Variants in TENM4 observed in about 807,000 individuals in gnomAD.
TENM4 encodes the protein teneurin-4.
Under a neutral mutation model 243.3 loss-of-function variants are expected in TENM4, and 82 were observed. The observed-to-expected ratio is 0.34, with a 90% CI of 0.28 to 0.40. TENM4 has a LOEUF of 0.40. Ranked by LOEUF, TENM4 falls within the 10% of genes least tolerant of loss-of-function variation. The pLI is 1.00. For synonymous variants in TENM4, 1,412 were observed against 1,456.3 expected (o/e 0.97, Z 0.69); for missense variants, 3,138 against 3,673.3 (o/e 0.85, Z 3.77).
chr11:78,736,857 G>A (rs968421955), intron 20 of TENM4, among the ~76,000 whole-genome samples: 5 of 152,116 alleles, frequency 3.3e-5, no homozygotes, highest in African/African-American at 9.7e-5. Flanking sequence ...CTGGCTACGT[G>A]ATGTAATTTA....
At chr11:79,175,902 C>A (rs1008577006) in intron 3 of TENM4, among the ~76,000 whole-genome samples, 1 of 151,934 alleles carries the variant, frequency 6.6e-6, no homozygotes, top group African/African-American at 2.4e-5. Flanking sequence ...CTGGGCAACA[C>A]AAGGAGACCA....
At chr11:79,146,059 A>T (rs1372124760) in intron 4 of TENM4, among the ~76,000 whole-genome samples, 1 of 152,106 alleles carries the variant, frequency 6.6e-6, no homozygotes, top group Non-Finnish European at 1.5e-5. Flanking sequence ...GTGCAAATAT[A>T]CAACATCTTT....
chr11:79,373,329 GCT>G (rs1857824657), intron 1 of TENM4, among the ~76,000 whole-genome samples: 2 of 104,800 alleles, frequency 1.9e-5, no homozygotes, highest in African/African-American at 4.6e-5. Context: ...TGGCTGGCTG[GCT>G]GGATGGATGG....
intron 6 of TENM4, among the ~76,000 whole-genome samples, chr11:79,054,481 C>T (rs973534892): frequency 7.2e-5 from 11 of 151,854 alleles, no homozygotes; most frequent in Non-Finnish European, 1.5e-5. Flanking sequence ...TCACAAGGTC[C>T]AGGCATATTC....
intron 3 of TENM4, among the ~76,000 whole-genome samples, chr11:79,156,800 ACT>A (rs1862629706): frequency 6.6e-6 from 1 of 152,208 alleles, no homozygotes; most frequent in South Asian, 2.1e-4. Flanking sequence ...CTATGTATTT[ACT>A]CTCTGCCTTG....
rs752165239 is a variant in TENM4 at position 78,658,498 on chromosome 11, G to T, written c.7870C>A (p.Pro2624Thr). ...AGGATGGCCAGGTCACCTTCTGAAG[G>T]TCCTGGTTTCACAAAGTAATGGGTA... ...VDTHYFVKPG[P>T]SEGDLAILGL... Residue 2624 changes from proline (P) to threonine (T), a missense_variant, in exon 34 of 34, where the codon CCT becomes ACT. By Grantham distance (38) the Pro-to-Thr change is conservative. Around this residue, in one of 2 missense-constraint regions of TENM4, gnomAD observed 2,467 missense variants for 3,059.1 expected, o/e 0.81. Transcript: ENST00000278550. 10 of 1,613,920 alleles carry T rather than the reference G, an allele frequency of 6.2e-6. No individual in the cohort carries two copies. In the South Asian group the frequency reaches 7.7e-5, roughly 12 times the overall value.
chr11:79,295,462 C>A (rs1856433792), intron 2 of TENM4, among the ~76,000 whole-genome samples: 1 of 152,172 alleles, frequency 6.6e-6, no homozygotes, highest in African/African-American at 2.4e-5. Flanking sequence ...AAGGAAGGAG[C>A]CCCAGCTCTC....
At chr11:79,352,475 C>G (rs1400437633) in intron 1 of TENM4, among the ~76,000 whole-genome samples, 1 of 152,170 alleles carries the variant, frequency 6.6e-6, no homozygotes, top group Non-Finnish European at 1.5e-5. Context: ...CAAATGGGCT[C>G]CTCACACCAC....
At chr11:78,894,005 C>T (rs1855732235) in intron 7 of TENM4, among the ~76,000 whole-genome samples, 1 of 152,136 alleles carries the variant, frequency 6.6e-6, no homozygotes, top group African/African-American at 2.4e-5. Flanking sequence ...TGCCCAGAGT[C>T]TAGAGGAATA....
At chr11:79,114,012 A>T (rs758722544) in intron 4 of TENM4, among the ~76,000 whole-genome samples, 1 of 151,960 alleles carries the variant, frequency 6.6e-6, no homozygotes, top group Non-Finnish European at 1.5e-5. Flanking sequence ...CAGCTCCCAA[A>T]CGATCTCTCC....
intron 1 of TENM4, among the ~76,000 whole-genome samples, chr11:79,354,876 A>G (rs1167239772): frequency 1.3e-5 from 2 of 152,228 alleles, no homozygotes; most frequent in African/African-American, 4.8e-5. Flanking sequence ...TGAATAAAAT[A>G]ATATTCTATG....
chr11:79,108,994 A>G (rs1861439981), intron 4 of TENM4, among the ~76,000 whole-genome samples: 1 of 152,146 alleles, frequency 6.6e-6, no homozygotes, highest in Non-Finnish European at 1.5e-5. Flanking sequence ...TGCCGCCCAG[A>G]AGGCCTGGGA....
chr11:79,192,718 C>G (rs1482119062), intron 3 of TENM4, among the ~76,000 whole-genome samples: 1 of 151,248 alleles, frequency 6.6e-6, no homozygotes, highest in African/African-American at 2.4e-5. Flanking sequence ...AAATCCCCCT[C>G]TGTGAGAAAC....
intron 2 of TENM4, among the ~76,000 whole-genome samples, chr11:79,270,402 A>G (rs988816386): frequency 1.3e-5 from 2 of 152,220 alleles, no homozygotes; most frequent in African/African-American, 4.8e-5. Context: ...ATATTCAAAC[A>G]AATCTGCTAT....
At chr11:79,412,680 T>C (rs1274403552) in intron 1 of TENM4, among the ~76,000 whole-genome samples, 1 of 152,240 alleles carries the variant, frequency 6.6e-6, no homozygotes, top group Non-Finnish European at 1.5e-5. Flanking sequence ...TTTATAAATA[T>C]GTATCAAATA....
Position 78,656,744 on chromosome 11 carries a change from TAAA to T in TENM4, c.*1311_*1313del. 3.1e-6 allele frequency: 1 copy of T among 319,200 alleles called. No individual in the cohort carries two copies. The highest frequency in any genetic ancestry group is 5.7e-6 in the Non-Finnish European group (1 of 176,454). The allele number at this position is 319,200 out of a possible 1,614,324, so 19.8% of individuals were successfully genotyped here. On this transcript the variant is annotated 3_prime_UTR_variant, in exon 34 of 34. Coordinates refer to ENST00000278550, the MANE Select transcript of TENM4 (RefSeq NM_001098816.3). The stretch of plus-strand genomic sequence containing the variant: ...CTCTTCCCTCCTTTCTTCCTGTCAC[TAAA>T]AAACACATTGGGTGGGCTTCTCTAG...
In TENM4 at chr11:79,399,275, C is replaced by T. The variant is rs1023251169; in HGVS notation, c.-321+41234G>A. ...TCAATGAGCAGAAATCTACTGGTTC[C>T]ATATTCTTCTCTGGGGAAGGAGAAT... On this transcript the variant is annotated intron_variant, in intron 1 of 33. Coordinates refer to ENST00000278550, the MANE Select transcript of TENM4 (RefSeq NM_001098816.3). 4.6e-5 allele frequency among the ~76,000 whole-genome samples: 7 copies of T among 152,182 alleles called. No individual in the cohort carries two copies. The East Asian group carries it at 1.3e-3, about 29-fold the overall frequency.
At chr11:79,115,178 G>C (rs908725851) in intron 4 of TENM4, among the ~76,000 whole-genome samples, 1 of 152,152 alleles carries the variant, frequency 6.6e-6, no homozygotes, top group Non-Finnish European at 1.5e-5. Context: ...GCACTTGGAT[G>C]ACGGAAACTT....
intron 29 of TENM4, among the ~76,000 whole-genome samples, chr11:78,677,010 T>C (rs1590933081): frequency 6.6e-6 from 1 of 152,110 alleles, no homozygotes; most frequent in African/African-American, 2.4e-5. Context: ...TGCGAATGGG[T>C]ATGGGATTTC....
Sources: allele counts gnomAD v4.1 joint callset (sites outside exome capture counted in the v4.1 genomes callset), GRCh38; gene constraint gnomAD v4.1.1; regional missense constraint gnomAD v4.1.1; transcripts MANE v1.5; gene names NCBI Gene and HGNC (gene_info 2026-07-23, HGNC 2026-07-21).